The following PRMT8 variants were observed in gnomAD, a reference collection of about 807,000 sequenced individuals.
The protein encoded by PRMT8 is protein arginine methyltransferase 8.
In PRMT8, 7 loss-of-function variants were observed where a neutral mutation model predicts 47.1. The ratio of observed to expected loss-of-function variants is 0.15; its 90% CI spans 0.08 to 0.28. The LOEUF is 0.28. Among genes scored for constraint, PRMT8 ranks in the 10% least tolerant of loss-of-function variants. The pLI, the probability that PRMT8 is intolerant of heterozygous loss-of-function variation, is 1.00. For synonymous variants in PRMT8, 188 were observed against 186.5 expected (o/e 1.01, Z -0.07); for missense variants, 237 against 505.4 (o/e 0.47, Z 5.09).
At chr12:3,563,512 A>G (rs983998732) in intron 4 of PRMT8, among the ~76,000 whole-genome samples, 11 of 152,170 alleles carry the variant, frequency 7.2e-5, no homozygotes, top group Middle Eastern at 3.4e-3. Context: ...CATGGAGGGT[A>G]GAGATATCGA....
At position 3,564,849 on chromosome 12, in the gene PRMT8, C is replaced by T. The variant is rs2137199254; in HGVS notation, c.482-3857C>T. ...GACTGCTGCTGTGTGTGCCCACACA[C>T]TTCCTTGAGCCAGCCTAATGCCCTA... On this transcript the variant is annotated intron_variant, in intron 4 of 9. Transcript: ENST00000382622. This position sits in a 1 kb window ranked among gnomAD's most constrained non-coding sequence, Gnocchi z 4.0. 6.6e-6 allele frequency among the ~76,000 whole-genome samples: 1 copy of T among 152,384 alleles called. No homozygotes were observed. Among genetic ancestry groups the T allele is most frequent in the African/African-American group, 2.4e-5 (1 of 41,596 alleles).
chr12:3,496,939 G>T (rs994379533), intron 1 of PRMT8, among the ~76,000 whole-genome samples: 1 of 144,962 alleles, frequency 6.9e-6, no homozygotes, highest in Non-Finnish European at 1.5e-5. Context: ...TTTTTGCCTG[G>T]CTAATTTGGC....
At chr12:3,470,871 A>G (rs1435614874) in intron 1 of PRMT8, among the ~76,000 whole-genome samples, 1 of 152,186 alleles carries the variant, frequency 6.6e-6, no homozygotes, top group Non-Finnish European at 1.5e-5. Context: ...CCTGCTTTGT[A>G]AAGTAAGTAT....
At chr12:3,430,258 G>A (rs1864659895) in intron 1 of PRMT8, among the ~76,000 whole-genome samples, 1 of 152,182 alleles carries the variant, frequency 6.6e-6, no homozygotes, top group Admixed American at 6.5e-5. Context: ...TACAATGTCT[G>A]CAATCTATAG....
At chr12:3,473,190 C>T (rs1001851906) in intron 1 of PRMT8, among the ~76,000 whole-genome samples, 1 of 152,146 alleles carries the variant, frequency 6.6e-6, no homozygotes, top group African/African-American at 2.4e-5. Context: ...CCTCACTTCT[C>T]ATCCCTCACA....
chr12:3,583,042 C>T lies in PRMT8; in HGVS notation c.829-16C>T. 1 of 1,609,384 alleles carries T rather than the reference C, an allele frequency of 6.2e-7. No homozygotes were observed. Among genetic ancestry groups the T allele is most frequent in the Non-Finnish European group, 8.5e-7 (1 of 1,177,536 alleles). ...AGGCGATAAGTTCCCGGCATTCTCT[C>T]TTCTCTGGGCTGCAGGAGGTGGACA... On this transcript the variant is annotated splice_polypyrimidine_tract_variant and intron_variant, in intron 7 of 9. Transcript: ENST00000382622. The surrounding 1 kb of genome is among the most constrained non-coding windows in gnomAD (Gnocchi z 4.7).
intron 1 of PRMT8, among the ~76,000 whole-genome samples, chr12:3,517,556 T>C (rs952459482): frequency 2.6e-5 from 4 of 152,016 alleles, no homozygotes; most frequent in Non-Finnish European, 5.9e-5. Context: ...GCCTTGGTGG[T>C]TGGGCATCTT....
intron 1 of PRMT8, among the ~76,000 whole-genome samples, chr12:3,527,989 G>T (rs1252222703): frequency 6.6e-6 from 1 of 152,248 alleles, no homozygotes; most frequent in Admixed American, 6.5e-5. Flanking sequence ...TCTAGCTTGT[G>T]TTGTTTCTTA....
At chr12:3,540,251 A>G (rs886844773) in intron 1 of PRMT8, among the ~76,000 whole-genome samples, 1 of 152,234 alleles carries the variant, frequency 6.6e-6, no homozygotes, top group Non-Finnish European at 1.5e-5. Context: ...TGTGCTATGC[A>G]TCTTTCCCTT....
chr12:3,522,662 A>AC (rs1052464980), intron 1 of PRMT8, among the ~76,000 whole-genome samples: 8 of 151,466 alleles, frequency 5.3e-5, no homozygotes, highest in African/African-American at 1.7e-4. Flanking sequence ...AAAAAAAAAA[A>AC]AAAAAACAAG....
chr12:3,591,721 G>A (rs1031050686), intron 8 of PRMT8, among the ~76,000 whole-genome samples: 21 of 152,120 alleles, frequency 1.4e-4, no homozygotes, highest in African/African-American at 4.8e-4. Flanking sequence ...GTAAGATTGA[G>A]GACCAAGTAC....
chr12:3,517,501 A>C (rs1865812733), intron 1 of PRMT8, among the ~76,000 whole-genome samples: 1 of 152,160 alleles, frequency 6.6e-6, no homozygotes, highest in African/African-American at 2.4e-5. Flanking sequence ...GCAACCAGGC[A>C]AGCTCATGCA....
intron 1 of PRMT8, among the ~76,000 whole-genome samples, chr12:3,477,114 A>G (rs1267439417): frequency 6.6e-6 from 1 of 152,194 alleles, no homozygotes; most frequent in East Asian, 1.9e-4. Flanking sequence ...CTGCAGACCA[A>G]CTGACGCTCT....
At chr12:3,522,805 C>CA (rs200023215) in intron 1 of PRMT8, among the ~76,000 whole-genome samples, 226 of 147,060 alleles carry the variant, frequency 1.5e-3, no homozygotes, top group East Asian at 3.0e-3. Flanking sequence ...AACAAACAAA[C>CA]AAAAAAAAAC....
At chr12:3,446,961 C>A (rs1441435464) in intron 1 of PRMT8, among the ~76,000 whole-genome samples, 2 of 152,172 alleles carry the variant, frequency 1.3e-5, no homozygotes, top group African/African-American at 4.8e-5. Flanking sequence ...GTGGTATGAA[C>A]TAACCATACA....
rs557062390 is a variant in PRMT8 at position 3,552,890 on chromosome 12, G to T, written c.418-761G>T. 7.3e-6 allele frequency: 3 copies of T among 411,034 alleles called. No individual in the cohort carries two copies. The highest frequency in any genetic ancestry group is 2.1e-5 in the African/African-American group (1 of 48,582). 25.5% of individuals were successfully genotyped at this position (411,034 alleles called of 1,614,324 possible). ...CAGCCTCTGTAAGAGAGCCGGCTCC[G>T]GAGGTGAGGACGGCTCTTGGCAGCT... On this transcript the variant is annotated intron_variant, in intron 3 of 9. Coordinates refer to ENST00000382622, the MANE Select transcript of PRMT8 (RefSeq NM_019854.5). The surrounding 1 kb of genome is among the most constrained non-coding windows in gnomAD (Gnocchi z 4.5).
At chr12:3,556,659 GGAA>G (rs1261057300) in intron 4 of PRMT8, among the ~76,000 whole-genome samples, 1 of 152,136 alleles carries the variant, frequency 6.6e-6, no homozygotes, top group East Asian at 1.9e-4. Flanking sequence ...TGGCATTAAG[GGAA>G]GAAGTTTTTT....
chr12:3,402,598 C>G (rs943943499), intron 1 of PRMT8, among the ~76,000 whole-genome samples: 1 of 152,156 alleles, frequency 6.6e-6, no homozygotes, highest in African/African-American at 2.4e-5. Context: ...TATCCATAGT[C>G]TATAAGGAAC....
In PRMT8 at chr12:3,552,772, T is replaced by C; in HGVS notation, c.418-879T>C. On this transcript the variant is annotated intron_variant, in intron 3 of 9. Coordinates refer to ENST00000382622, the MANE Select transcript of PRMT8 (RefSeq NM_019854.5). The surrounding 1 kb of genome is among the most constrained non-coding windows in gnomAD (Gnocchi z 4.5). ...TCCCTCAGTGCCCCTTTGCGAGTACTTCTCAAGGGAATGGTCCCTGCCCGA... is the reference window on the plus strand; with the variant it reads ...TCCCTCAGTGCCCCTTTGCGAGTACCTCTCAAGGGAATGGTCCCTGCCCGA... 2.1e-6 allele frequency: 1 copy of C among 475,854 alleles called. No homozygotes were observed. The highest frequency in any genetic ancestry group is 4.2e-6 in the Non-Finnish European group (1 of 237,316). 29.5% of individuals were successfully genotyped at this position (475,854 alleles called of 1,614,324 possible).
Sources: allele counts gnomAD v4.1 joint callset (sites outside exome capture counted in the v4.1 genomes callset), GRCh38; gene constraint gnomAD v4.1.1; non-coding constraint Gnocchi (gnomAD v3.1); transcripts MANE v1.5; gene names NCBI Gene and HGNC (gene_info 2026-07-23, HGNC 2026-07-21).